Variants in DACH1 observed in about 807,000 individuals in gnomAD.
DACH1 encodes the protein dachshund family transcription factor 1.
A neutral mutation model predicts 54.2 loss-of-function variants in DACH1; 12 were observed. The ratio of observed to expected loss-of-function variants is 0.22; its 90% CI spans 0.14 to 0.36. The LOEUF is 0.36. Ranked by LOEUF, DACH1 falls within the 10% of genes least tolerant of loss-of-function variation. The pLI is 1.00. For missense variants in DACH1, 805 were observed against 929.8 expected (o/e 0.87, Z 1.75); for synonymous variants, 386 against 366.2 (o/e 1.05, Z -0.62).
chr13:71,723,964 T>C (rs994775956), intron 1 of DACH1, among the ~76,000 whole-genome samples: 2 of 152,192 alleles, frequency 1.3e-5, no homozygotes, highest in Admixed American at 1.3e-4. Context: ...TTGCTGGGCT[T>C]ACAGGCCTGA....
intron 1 of DACH1, among the ~76,000 whole-genome samples, chr13:71,729,051 T>G (rs1883613887): frequency 6.6e-6 from 1 of 151,934 alleles, no homozygotes; most frequent in Admixed American, 6.6e-5. Flanking sequence ...TACCCCAGAT[T>G]AATGAAGAAA....
intron 1 of DACH1, among the ~76,000 whole-genome samples, chr13:71,801,014 A>G (rs1381489577): frequency 6.6e-6 from 1 of 152,152 alleles, no homozygotes; most frequent in East Asian, 1.9e-4. Context: ...AAAGTAAATA[A>G]AATATTTCAG....
intron 1 of DACH1, among the ~76,000 whole-genome samples, chr13:71,825,510 A>C (rs1471749187): frequency 6.6e-6 from 1 of 152,100 alleles, no homozygotes; most frequent in African/African-American, 2.4e-5. Flanking sequence ...AGGTGTGAGT[A>C]ATTTTGCCTA....
chr13:71,807,209 T>C (rs1887536304), intron 1 of DACH1, among the ~76,000 whole-genome samples: 2 of 152,178 alleles, frequency 1.3e-5, no homozygotes. Context: ...ATTAAAATGG[T>C]AGTTTTATGT....
chr13:71,562,356 T>A (rs942082423), intron 4 of DACH1, among the ~76,000 whole-genome samples: 1 of 151,520 alleles, frequency 6.6e-6, no homozygotes, highest in Non-Finnish European at 1.5e-5. Context: ...AATATGCAAA[T>A]AAGTGGGAGG....
intron 7 of DACH1, 90 bp downstream of exon 7, chr13:71,488,907 G>A (rs950044797): frequency 8.0e-7 from 1 of 1,249,822 alleles, no homozygotes; most frequent in African/African-American, 1.5e-5. Context: ...AGTCTAATGG[G>A]ATTAAGTAGG....
intron 1 of DACH1, among the ~76,000 whole-genome samples, chr13:71,753,733 T>C (rs1885021181): frequency 6.6e-6 from 1 of 152,166 alleles, no homozygotes; most frequent in Non-Finnish European, 1.5e-5. Flanking sequence ...CAATTCTCAA[T>C]TATCTGCAAT....
intron 1 of DACH1, among the ~76,000 whole-genome samples, chr13:71,850,506 A>G (rs1454012763): frequency 1.3e-5 from 2 of 152,180 alleles, no homozygotes; most frequent in East Asian, 3.8e-4. Context: ...CCCTCTCTAA[A>G]AGAATGAACA....
intron 6 of DACH1, 136 bp from the exon 7 acceptor site, chr13:71,489,284 G>T: frequency 1.1e-6 from 1 of 936,380 alleles, no homozygotes; most frequent in Non-Finnish European, 1.6e-6. Flanking sequence ...AATGCTTTCT[G>T]CTGAATTTTC....
chr13:71,825,818 A>C (rs750899245), intron 1 of DACH1, among the ~76,000 whole-genome samples: 3 of 152,074 alleles, frequency 2.0e-5, no homozygotes, highest in Non-Finnish European at 2.9e-5. Context: ...TCTGATTGAC[A>C]CCTAAAAAAG....
At chr13:71,862,171 A>G (rs918398370) in intron 1 of DACH1, among the ~76,000 whole-genome samples, 2 of 151,966 alleles carry the variant, frequency 1.3e-5, no homozygotes, top group African/African-American at 2.4e-5. Context: ...TGTTTGAAAG[A>G]TCCTGAGAAA....
At chr13:71,755,646 G>A (rs1458025503) in intron 1 of DACH1, among the ~76,000 whole-genome samples, 1 of 152,108 alleles carries the variant, frequency 6.6e-6, no homozygotes, top group Non-Finnish European at 1.5e-5. Context: ...TACATTAAGA[G>A]GAAATGATGT....
intron 1 of DACH1, among the ~76,000 whole-genome samples, chr13:71,774,271 C>G (rs527636885): frequency 6.6e-6 from 1 of 152,090 alleles, no homozygotes; most frequent in Non-Finnish European, 1.5e-5. Flanking sequence ...AAGGTAGAAG[C>G]TACATTGCCA....
At chr13:71,632,084 A>T (rs1877147662) in intron 2 of DACH1, among the ~76,000 whole-genome samples, 1 of 152,058 alleles carries the variant, frequency 6.6e-6, no homozygotes, top group Non-Finnish European at 1.5e-5. Flanking sequence ...ACTCTGTCCC[A>T]AAAAAAGAAA....
At position 71,866,427 on chromosome 13, in the gene DACH1, T is replaced by A; in HGVS notation, c.343A>T (p.Ser115Cys). The change falls in exon 1 of 11, where the codon AGC becomes TGC. Residue 115 changes from serine to cysteine, a missense_variant. Ser to Cys is a moderately radical substitution (Grantham distance 112). Transcript: ENST00000613252. ...NPNLAAASNG[S>C]GGGGGGISAG... ...CTGATGCCGCCGCCGCCGCCGCCGC[T>A]GCCGTTGCTCGCGGCCGCCAGGTTG... 2 of 1,272,134 alleles carry A rather than the reference T, an allele frequency of 1.6e-6. No homozygotes were observed. The highest frequency in any genetic ancestry group is 2.1e-6 in the Non-Finnish European group (2 of 960,362). The allele number at this position is 1,272,134 out of a possible 1,614,324, so 78.8% of individuals were successfully genotyped here.
Position 71,748,938 on chromosome 13 carries a change from TTCTTTCTTTCTTTCTCTCTTTCTTTC to T in DACH1, c.849-67054_849-67029del, listed in dbSNP as rs879355179. On this transcript the variant is annotated intron_variant, in intron 1 of 10. Transcript: ENST00000613252. ...TTTCTTTCTTTCTTTCTTTCTTTCT[TTCTTTCTTTCTTTCTCTCTTTCTTTC>T]TCTCTCTCTCTTTCTTCTTTCCTTT... Among the ~76,000 whole-genome samples the T allele has an allele frequency of 4.9e-3, 239 of 48,758 alleles. 8 individuals carry two copies. The highest frequency in any genetic ancestry group is 0.013 in the Non-Finnish European group (161 of 12,664). The allele number at this position is 48,758 out of a possible 152,430, so 32.0% of individuals were successfully genotyped here.
chr13:71,850,678 A>G (rs1384233847), intron 1 of DACH1, among the ~76,000 whole-genome samples: 1 of 152,206 alleles, frequency 6.6e-6, no homozygotes, highest in Admixed American at 6.5e-5. Flanking sequence ...AAATTGTGAA[A>G]ATTTGGATTT....
At chr13:71,804,279 C>T (rs564595268) in intron 1 of DACH1, among the ~76,000 whole-genome samples, 3 of 152,160 alleles carry the variant, frequency 2.0e-5, no homozygotes, top group Non-Finnish European at 4.4e-5. Context: ...TACTACTGGA[C>T]TCCAGCCTCG....
intron 6 of DACH1, among the ~76,000 whole-genome samples, chr13:71,545,696 C>T (rs1422327885): frequency 1.3e-5 from 2 of 151,866 alleles, no homozygotes; most frequent in African/African-American, 4.8e-5. Context: ...AAAATATAGT[C>T]CACAAAATAA....
Sources: allele counts gnomAD v4.1 joint callset (sites outside exome capture counted in the v4.1 genomes callset), GRCh38; gene constraint gnomAD v4.1.1; transcripts MANE v1.5; gene names NCBI Gene and HGNC (gene_info 2026-07-23, HGNC 2026-07-21).